IFT46: variants seen among roughly 807,000 people sequenced by gnomAD.
IFT46 encodes intraflagellar transport protein 46 homolog.
Under a neutral mutation model 39.6 loss-of-function variants are expected in IFT46, and 19 were observed. That is an observed-to-expected ratio of 0.48 (90% CI 0.33 to 0.70). IFT46 has a LOEUF of 0.70. Ranked by LOEUF, IFT46 falls within the 30% of genes least tolerant of loss-of-function variation. The pLI, the probability that IFT46 is intolerant of heterozygous loss-of-function variation, is 0.01. For missense variants in IFT46, 334 were observed against 364.8 expected (o/e 0.92, Z 0.69); for synonymous variants, 117 against 134.8 (o/e 0.87, Z 0.91).
upstream of IFT46, among the ~76,000 whole-genome samples, chr11:118,576,313 T>A (rs1299300731): frequency 2.0e-5 from 3 of 150,872 alleles, no homozygotes; most frequent in Non-Finnish European, 3.0e-5. Context: ...TTTTTTTTTT[T>A]AACCGTCCTG....
At chr11:118,561,209 C>T (rs1388650509) in intron 2 of IFT46, 1 of 1,380,762 alleles carries the variant, frequency 7.2e-7, no homozygotes, top group Non-Finnish European at 1.0e-6. Flanking sequence ...GTCTGTCCCT[C>T]ACAGTACCAA....
At chr11:118,559,171 A>G (rs535062815) in intron 3 of IFT46, among the ~76,000 whole-genome samples, 117 of 152,082 alleles carry the variant, frequency 7.7e-4, no homozygotes, top group African/African-American at 2.7e-3. Context: ...CCCGGCCAAC[A>G]TAAACGGTTT....
At chr11:118,561,726 C>G (rs1292347393) in intron 2 of IFT46, 2 of 247,168 alleles carry the variant, frequency 8.1e-6, no homozygotes, top group Non-Finnish European at 1.6e-5. Flanking sequence ...TTATAAGGAT[C>G]AAGTGAAAAA....
upstream of IFT46, among the ~76,000 whole-genome samples, chr11:118,574,301 C>T (rs905883043): frequency 6.6e-6 from 1 of 152,064 alleles, no homozygotes; most frequent in Non-Finnish European, 1.5e-5. Context: ...TTTTTGGGTC[C>T]TGCTCCTTTA....
upstream of IFT46, among the ~76,000 whole-genome samples, chr11:118,570,200 C>A (rs953904024): frequency 6.6e-6 from 1 of 151,536 alleles, no homozygotes; most frequent in Non-Finnish European, 1.5e-5. Flanking sequence ...ACTACAGGCA[C>A]GCGCCACCAT....
chr11:118,559,797 C>T lies in IFT46; in HGVS notation c.33G>A (p.Glu11=). 1 of 1,613,218 alleles carries T rather than the reference C, an allele frequency of 6.2e-7. No individual in the cohort carries two copies. The highest frequency in any genetic ancestry group is 8.5e-7 in the Non-Finnish European group (1 of 1,179,238). ...AGTTTTACTGTACCTTGTTATTTTCCTCTTCACACTCATCACTGCTGTTAT... is the reference window on the plus strand; with the variant it reads ...AGTTTTACTGTACCTTGTTATTTTCTTCTTCACACTCATCACTGCTGTTAT... The part of the protein sequence containing the change: MADNSSDECE[E]ENNKEKKKTS... Residue 11 remains glutamate (E), a synonymous_variant, in exon 3 of 12, where the codon GAG becomes GAA. Coordinates refer to ENST00000264021, the MANE Select transcript of IFT46 (RefSeq NM_001168618.2).
At chr11:118,572,704 G>C in exon 1 of IFT46, 2 of 869,516 alleles carry the variant, frequency 2.3e-6, no homozygotes, top group Non-Finnish European at 3.5e-6. Context: ...GGCCTCCTGT[G>C]CCCGGTCTCC....
intron 9 of IFT46, 55 bp downstream of exon 9, chr11:118,551,731 G>T: frequency 1.6e-6 from 2 of 1,289,618 alleles, no homozygotes; most frequent in Non-Finnish European, 2.3e-6. Context: ...AAAACACTGG[G>T]CCCTGGAGCG....
At chr11:118,568,488 G>A (rs1428148171), upstream of IFT46, among the ~76,000 whole-genome samples, 4 of 152,178 alleles carry the variant, frequency 2.6e-5, no homozygotes, top group African/African-American at 9.6e-5. Context: ...GGAGGCGGAG[G>A]TTGCAGTGAG....
chr11:118,565,761 C>G (rs1459071792), intron 1 of IFT46, 29 bp downstream of exon 1: 1 of 152,508 alleles, frequency 6.6e-6, no homozygotes, highest in Non-Finnish European at 1.5e-5. Flanking sequence ...AAAGACAGTT[C>G]CCTTTTTGCT....
chr11:118,572,812 C>T (rs954545574), exon 1 of IFT46: 2 of 443,934 alleles, frequency 4.5e-6, no homozygotes, highest in African/African-American at 2.0e-5. Flanking sequence ...TGGGACCTGC[C>T]CCTGAGACGG....
upstream of IFT46, among the ~76,000 whole-genome samples, chr11:118,576,830 A>G (rs1938526368): frequency 6.6e-6 from 1 of 152,110 alleles, no homozygotes. Context: ...GGATAATGGA[A>G]TGACTCAAAG....
intron 8 of IFT46, 107 bp from the exon 9 acceptor site, chr11:118,551,959 C>T (rs1450135328): frequency 8.3e-7 from 1 of 1,198,780 alleles, no homozygotes; most frequent in Non-Finnish European, 1.2e-6. Context: ...TCTGGCACAT[C>T]AGGAAGGCTT....
chr11:118,557,715 T>C (rs782696823), intron 3 of IFT46: 1 of 1,613,540 alleles, frequency 6.2e-7, no homozygotes, highest in Non-Finnish European at 8.5e-7. Context: ...AACAGCTCTT[T>C]TGTTCTTGAC....
Position 118,557,773 on chromosome 11 carries a change from C to G in IFT46, c.46-728G>C. The G allele has an allele frequency of 6.2e-7, 1 of 1,614,120 alleles. No individual in the cohort carries two copies. The highest frequency in any genetic ancestry group is 8.5e-7 in the Non-Finnish European group (1 of 1,180,008). On this transcript the variant is annotated intron_variant, in intron 3 of 11. Coordinates refer to ENST00000264021, the MANE Select transcript of IFT46 (RefSeq NM_001168618.2). The stretch of plus-strand genomic sequence containing the variant: ...TTCTGGCTCTCTCTGTACCATCCCA[C>G]CCTCTCAAGTACATGAGAAGGGGTC...
At position 118,556,362 on chromosome 11, in the gene IFT46, G is replaced by A. The variant is rs533861799; in HGVS notation, c.185+544C>T. Among the ~76,000 whole-genome samples, 30 of 152,166 alleles carry A rather than the reference G, an allele frequency of 2.0e-4. 1 individual carries two copies. Among genetic ancestry groups the A allele is most frequent in the Admixed American group, 1.2e-3 (19 of 15,260 alleles). On this transcript the variant is annotated intron_variant, in intron 4 of 11. Transcript: ENST00000264021. ...AAAAAAATTAGCTGGGCGTGGTGGC[G>A]GGCACCTGTAGTCCCAGCTACTCAG...
chr11:118,545,089 A>G (rs1369179831), intron 11 of IFT46, 78 bp from the exon 12 acceptor site: 1 of 1,076,388 alleles, frequency 9.3e-7, no homozygotes, highest in African/African-American at 1.6e-5. Context: ...TAATTTCTTT[A>G]AAATGAACCC....
At chr11:118,571,863 G>A (rs537819113) in intron 1 of IFT46, among the ~76,000 whole-genome samples, 32 of 152,234 alleles carry the variant, frequency 2.1e-4, no homozygotes, top group African/African-American at 7.2e-4. Flanking sequence ...TGAGGCGGGC[G>A]GATCACTTGG....
chr11:118,564,155 C>CTCCA (rs1488555914), intron 2 of IFT46, among the ~76,000 whole-genome samples: 2 of 137,154 alleles, frequency 1.5e-5, no homozygotes, highest in African/African-American at 2.8e-5. Flanking sequence ...CACCACTGCA[C>CTCCA]TCCAGCCTGT....
Sources: gnomAD v4.1 joint callset for allele counts (sites outside exome capture counted in the v4.1 genomes callset) on GRCh38, gnomAD v4.1.1 for gene constraint, MANE v1.5 for transcripts, NCBI Gene and HGNC (gene_info 2026-07-23, HGNC 2026-07-21) for gene names.